Variants in FRK observed in about 807,000 individuals in gnomAD.
FRK encodes the protein fyn related Src family tyrosine kinase, also known as tyrosine-protein kinase FRK.
A neutral mutation model predicts 56.4 loss-of-function variants in FRK; 51 were observed. The observed-to-expected ratio is 0.90, with a 90% CI of 0.72 to 1.14. FRK has a LOEUF of 1.14. Ranked by LOEUF, FRK falls within the 50% of genes most tolerant of loss-of-function variation. The pLI is 0.00. For missense variants in FRK, 570 were observed against 601.4 expected, an observed-to-expected ratio of 0.95 and a Z score of 0.55; for synonymous variants, 245 against 217.9, an observed-to-expected ratio of 1.12 and a Z score of -1.10.
chr6:115,998,375 T>C (rs1481995793), intron 2 of FRK, among the ~76,000 whole-genome samples: 1 of 152,194 alleles, frequency 6.6e-6, no homozygotes, highest in Admixed American at 6.6e-5. Flanking sequence ...CTCAGTGTGA[T>C]ATACAAGGTC....
At chr6:116,077,095 A>G in the FRK span, among the ~76,000 whole-genome samples, 2 of 152,272 alleles carry the variant, frequency 1.3e-5, no homozygotes, top group Non-Finnish European at 2.9e-5. Context: ...CATTTAGATT[A>G]ATGAAGTAAT....
intron 2 of FRK, among the ~76,000 whole-genome samples, chr6:116,002,452 A>T (rs1207829610): frequency 6.6e-6 from 1 of 152,154 alleles, no homozygotes; most frequent in Non-Finnish European, 1.5e-5. Flanking sequence ...TCCCGTCCCA[A>T]CTGAAAATAT....
chr6:116,083,826 ATTT>A, the FRK span, among the ~76,000 whole-genome samples: 1 of 144,434 alleles, frequency 6.9e-6, no homozygotes, highest in Non-Finnish European at 1.5e-5. Context: ...TGCCCAGCTA[ATTT>A]TTTTTTTTTT....
chr6:116,039,041 G>A (rs1582743928), intron 1 of FRK: 1 of 754,124 alleles, frequency 1.3e-6, no homozygotes, highest in East Asian at 2.5e-5. Context: ...GGGGCACTCA[G>A]AGAGTAGGCA....
chr6:116,030,999 G>A (rs1420579231), intron 1 of FRK, among the ~76,000 whole-genome samples: 1 of 152,022 alleles, frequency 6.6e-6, no homozygotes, highest in Non-Finnish European at 1.5e-5. Flanking sequence ...ATCATTCATT[G>A]TTTGGCTCAG....
rs1043364003 is a variant in FRK at position 115,943,114 on chromosome 6, G to A, written c.1212C>T (p.Ala404=). ...KLPVKWTAPE[A]IRSNKFSIKS... ...TAATGCTGAATTTATTACTACGAATGGCTTCGGGCGCAGTCCACTTCACCG... is the reference window on the plus strand; with the variant it reads ...TAATGCTGAATTTATTACTACGAATAGCTTCGGGCGCAGTCCACTTCACCG... Residue 404 remains alanine, a synonymous_variant, in exon 7 of 8, where the codon GCC becomes GCT. Transcript: ENST00000606080. 1 of 1,613,108 alleles carries A rather than the reference G, an allele frequency of 6.2e-7. No individual in the cohort carries two copies. Among genetic ancestry groups the A allele is most frequent in the African/African-American group, 1.3e-5 (1 of 74,810 alleles).
At chr6:116,040,840 C>T (rs180719558) in intron 1 of FRK, among the ~76,000 whole-genome samples, 154 of 151,952 alleles carry the variant, frequency 1.0e-3, no homozygotes, top group African/African-American at 3.5e-3. Flanking sequence ...TGCTTTAGAA[C>T]CTACCTGAAA....
chr6:115,943,313 G>A, intron 6 of FRK, 128 bp from the exon 7 acceptor site: 2 of 608,604 alleles, frequency 3.3e-6, no homozygotes, highest in South Asian at 5.1e-5. Context: ...TAGTTCAACT[G>A]ACAATTACAG....
the FRK span, among the ~76,000 whole-genome samples, chr6:116,094,851 TAGAC>T: frequency 2.7e-4 from 40 of 150,330 alleles, no homozygotes; most frequent in Non-Finnish European, 2.5e-4. Context: ...GAGGAAGAGA[TAGAC>T]AGGGAGTAAG....
chr6:115,985,332 A>G (rs189297739), intron 2 of FRK, among the ~76,000 whole-genome samples: 2 of 152,286 alleles, frequency 1.3e-5, no homozygotes, highest in East Asian at 1.9e-4. Context: ...GGACTAAGAT[A>G]TAAGACAAGG....
chr6:115,957,335 G>T (rs1773041187), intron 4 of FRK, among the ~76,000 whole-genome samples: 2 of 152,170 alleles, frequency 1.3e-5, no homozygotes, highest in Non-Finnish European at 2.9e-5. Flanking sequence ...GACTCATCAT[G>T]CAAGGTGTCA....
At chr6:116,015,437 T>C (rs1775613864) in intron 1 of FRK, among the ~76,000 whole-genome samples, 1 of 152,180 alleles carries the variant, frequency 6.6e-6, no homozygotes, top group Admixed American at 6.5e-5. Context: ...GTAATATCTT[T>C]ATAGCTGTGT....
At chr6:116,068,938 AT>A in the FRK span, among the ~76,000 whole-genome samples, 27 of 152,330 alleles carry the variant, frequency 1.8e-4, no homozygotes, top group Non-Finnish European at 3.8e-4. Flanking sequence ...ACTGAAAAAA[AT>A]GATCTAGCAA....
intron 2 of FRK, among the ~76,000 whole-genome samples, chr6:115,980,908 G>A (rs1004199498): frequency 2.0e-4 from 30 of 152,206 alleles, no homozygotes; most frequent in African/African-American, 7.2e-4. Flanking sequence ...ATTATCTTCT[G>A]TTAGAGACTC....
chr6:115,955,659 A>G (rs2114554543), intron 5 of FRK, among the ~76,000 whole-genome samples: 1 of 152,286 alleles, frequency 6.6e-6, no homozygotes, highest in African/African-American at 2.4e-5. Flanking sequence ...GGATATTCTT[A>G]TCTTTCTGAA....
chr6:116,097,954 G>C, the FRK span, among the ~76,000 whole-genome samples: 1 of 151,612 alleles, frequency 6.6e-6, no homozygotes, highest in African/African-American at 2.4e-5. Context: ...GCCTTAGTTG[G>C]CTCAGCGTGC....
At chr6:116,073,685 C>T in the FRK span, among the ~76,000 whole-genome samples, 4 of 152,120 alleles carry the variant, frequency 2.6e-5, no homozygotes, top group Admixed American at 2.6e-4. Context: ...TTTCCTTGTA[C>T]ATATTATGTA....
chr6:116,100,088 T>C, the FRK span, among the ~76,000 whole-genome samples: 1 of 152,272 alleles, frequency 6.6e-6, no homozygotes, highest in Admixed American at 6.5e-5. Flanking sequence ...CTATAAACCT[T>C]AAACCCGGTT....
chr6:116,068,792 C>T, the FRK span, among the ~76,000 whole-genome samples: 2 of 151,798 alleles, frequency 1.3e-5, no homozygotes, highest in Admixed American at 6.6e-5. Context: ...AATTTCTTTA[C>T]TGATCTGAGT....
Sources: allele counts gnomAD v4.1 joint callset (sites outside exome capture counted in the v4.1 genomes callset), GRCh38; gene constraint gnomAD v4.1.1; transcripts MANE v1.5; gene names NCBI Gene and HGNC (gene_info 2026-07-23, HGNC 2026-07-21).